Variants in PAQR8 observed in about 807,000 individuals in gnomAD.
PAQR8 encodes the protein progestin and adipoQ receptor family member 8.
PAQR8 carries 17 observed loss-of-function variants against 25.2 expected under a neutral mutation model. The observed-to-expected ratio is 0.67, with a 90% CI of 0.46 to 1.01. The LOEUF (loss-of-function observed/expected upper bound fraction) is 1.01, where lower values mean the gene tolerates loss of function less well. Among genes scored for constraint, PAQR8 ranks in the 50% least tolerant of loss-of-function variants. The pLI is 0.00. For synonymous variants in PAQR8, 204 were observed against 190.6 expected, an observed-to-expected ratio of 1.07 and a Z score of -0.58; for missense variants, 392 against 448.4, an observed-to-expected ratio of 0.87 and a Z score of 1.14.
At chr6:52,365,278 C>T (rs1763338475) in intron 1 of PAQR8, among the ~76,000 whole-genome samples, 1 of 151,998 alleles carries the variant, frequency 6.6e-6, no homozygotes, top group Non-Finnish European at 1.5e-5. Context: ...TTTCATGGCA[C>T]ACAGTAAAAA....
chr6:52,394,520 G>T (rs1157616645), intron 1 of PAQR8, among the ~76,000 whole-genome samples: 1 of 152,124 alleles, frequency 6.6e-6, no homozygotes, highest in African/African-American at 2.4e-5. Flanking sequence ...TTTTTCCAAG[G>T]CTAGTGATAG....
At chr6:52,382,747 T>C (rs1247508832) in intron 1 of PAQR8, among the ~76,000 whole-genome samples, 6 of 150,936 alleles carry the variant, frequency 4.0e-5, no homozygotes. Context: ...AGACTGCCAG[T>C]GGGGAGGGTG....
intron 1 of PAQR8, among the ~76,000 whole-genome samples, chr6:52,400,040 A>G (rs961263531): frequency 2.0e-5 from 3 of 152,142 alleles, no homozygotes; most frequent in Admixed American, 6.5e-5. Context: ...GAATTCAGGT[A>G]TTCTAATTAG....
At chr6:52,398,097 A>G (rs1763786986) in intron 1 of PAQR8, among the ~76,000 whole-genome samples, 1 of 152,142 alleles carries the variant, frequency 6.6e-6, no homozygotes, top group Admixed American at 6.5e-5. Flanking sequence ...TCAAAGGGAG[A>G]ATTTCATGGC....
At chr6:52,397,407 C>A (rs968005862) in intron 1 of PAQR8, among the ~76,000 whole-genome samples, 1 of 152,196 alleles carries the variant, frequency 6.6e-6, no homozygotes, top group Non-Finnish European at 1.5e-5. Flanking sequence ...CCACTTCCCC[C>A]CAACGCTGCC....
intron 1 of PAQR8, among the ~76,000 whole-genome samples, chr6:52,381,309 T>G (rs1055440044): frequency 4.6e-5 from 7 of 152,164 alleles, no homozygotes; most frequent in African/African-American, 1.4e-4. Flanking sequence ...ATTGGTGGAT[T>G]CAAAAAGCAC....
intron 1 of PAQR8, among the ~76,000 whole-genome samples, chr6:52,395,073 CCTGA>C (rs1353504952): frequency 6.6e-6 from 1 of 151,936 alleles, no homozygotes; most frequent in Non-Finnish European, 1.5e-5. Context: ...TTGAGACCAG[CCTGA>C]CTAATATGGT....
At chr6:52,394,286 G>A (rs1763742825) in intron 1 of PAQR8, among the ~76,000 whole-genome samples, 2 of 152,150 alleles carry the variant, frequency 1.3e-5, no homozygotes, top group African/African-American at 4.8e-5. Context: ...GGTACTTCAC[G>A]TATTTTTACT....
intron 1 of PAQR8, among the ~76,000 whole-genome samples, chr6:52,392,100 G>A (rs531462412): frequency 6.6e-6 from 1 of 152,276 alleles, no homozygotes; most frequent in East Asian, 1.9e-4. Flanking sequence ...AGAGCACTTT[G>A]GGAGGCCTAG....
rs909812638 is a variant in PAQR8 at position 52,379,619 on chromosome 6, C to CTTTTTTTTTTTTTTTTTTTT, written c.-53+17376_-53+17395dup. On this transcript the variant is annotated intron_variant, in intron 1 of 1. Transcript: ENST00000442253. ...GGTGCGTACCGCCACACCCAGCTTT[C>CTTTTTTTTTTTTTTTTTTTT]TTTTTTTTTTTTTTTTTTTTTTTTT... Among the ~76,000 whole-genome samples the CTTTTTTTTTTTTTTTTTTTT allele has an allele frequency of 3.8e-4, 29 of 77,232 alleles. 2 individuals are homozygous for CTTTTTTTTTTTTTTTTTTTT. The highest frequency in any genetic ancestry group is 5.3e-4 in the Non-Finnish European group (21 of 39,778). The allele number at this position is 77,232 out of a possible 152,430, so 50.7% of individuals were successfully genotyped here.
chr6:52,366,876 A>G (rs55793562), intron 1 of PAQR8, among the ~76,000 whole-genome samples: 19,716 of 151,964 alleles, frequency 0.13, 1,370 homozygotes, highest in Middle Eastern at 0.21. Flanking sequence ...CAGCCTCCTG[A>G]GTAGCTGGGA....
At chr6:52,387,461 A>C (rs1033784613) in intron 1 of PAQR8, among the ~76,000 whole-genome samples, 1 of 152,234 alleles carries the variant, frequency 6.6e-6, no homozygotes, top group African/African-American at 2.4e-5. Flanking sequence ...AGTGTACCTC[A>C]GTTATTCTCA....
intron 1 of PAQR8, among the ~76,000 whole-genome samples, chr6:52,389,162 TA>T (rs1763667098): frequency 1.3e-5 from 2 of 152,190 alleles, no homozygotes; most frequent in Non-Finnish European, 2.9e-5. Flanking sequence ...TTGGTGCGGA[TA>T]CCTAGCAAGT....
intron 1 of PAQR8, among the ~76,000 whole-genome samples, chr6:52,390,698 A>T (rs1763696169): frequency 6.6e-6 from 1 of 152,210 alleles, no homozygotes. Context: ...CATTAACAGT[A>T]GATGTTACAT....
intron 1 of PAQR8, among the ~76,000 whole-genome samples, chr6:52,371,150 A>C (rs1763415385): frequency 6.6e-6 from 1 of 152,176 alleles, no homozygotes; most frequent in African/African-American, 2.4e-5. Flanking sequence ...AAAATAAATC[A>C]GGATAAGGGG....
At chr6:52,394,502 G>A (rs766577441) in intron 1 of PAQR8, among the ~76,000 whole-genome samples, 5 of 152,166 alleles carry the variant, frequency 3.3e-5, no homozygotes, top group Non-Finnish European at 7.3e-5. Context: ...TGCATTTGGG[G>A]TTTTGATTTT....
intron 1 of PAQR8, among the ~76,000 whole-genome samples, chr6:52,386,625 T>C (rs1763636030): frequency 6.6e-6 from 1 of 152,104 alleles, no homozygotes; most frequent in Non-Finnish European, 1.5e-5. Context: ...ACATTGGGTA[T>C]ACATGGACAT....
chr6:52,372,997 C>T (rs1763438148), intron 1 of PAQR8, among the ~76,000 whole-genome samples: 1 of 152,196 alleles, frequency 6.6e-6, no homozygotes, highest in Non-Finnish European at 1.5e-5. Context: ...GGATTCAAAT[C>T]CAAGTTGCCT....
chr6:52,380,953 A>G (rs1234146662), intron 1 of PAQR8, among the ~76,000 whole-genome samples: 5 of 152,340 alleles, frequency 3.3e-5, no homozygotes, highest in African/African-American at 4.8e-5. Flanking sequence ...TTTTCCACAT[A>G]TAATTTCTTA....
Sources: allele counts gnomAD v4.1 joint callset (sites outside exome capture counted in the v4.1 genomes callset), GRCh38; gene constraint gnomAD v4.1.1; transcripts MANE v1.5; gene names NCBI Gene and HGNC (gene_info 2026-07-23, HGNC 2026-07-21).